PITPNM3: variants seen among roughly 807,000 people sequenced by gnomAD.
PITPNM3 encodes the protein PITPNM family member 3, also known as membrane-associated phosphatidylinositol transfer protein 3.
A neutral mutation model predicts 102.0 loss-of-function variants in PITPNM3; 26 were observed. The observed-to-expected ratio is 0.25, with a 90% CI of 0.19 to 0.35. The LOEUF (loss-of-function observed/expected upper bound fraction) is 0.35, where lower values mean the gene tolerates loss of function less well. PITPNM3 is among the 10% of genes least tolerant of loss of function. PITPNM3 has a pLI of 1.00. For synonymous variants in PITPNM3, 578 were observed against 558.6 expected, an observed-to-expected ratio of 1.03 and a Z score of -0.49; for missense variants, 1,083 against 1,346.1, an observed-to-expected ratio of 0.80 and a Z score of 3.06.
chr17:6,516,560 C>G (rs1908192174), intron 3 of PITPNM3, among the ~76,000 whole-genome samples: 1 of 89,278 alleles, frequency 1.1e-5, no homozygotes, highest in Non-Finnish European at 2.4e-5. Flanking sequence ...ACAGACTCCG[C>G]CTCAAAAAAA....
At chr17:6,535,894 C>T (rs1223272330) in intron 2 of PITPNM3, among the ~76,000 whole-genome samples, 1 of 151,576 alleles carries the variant, frequency 6.6e-6, no homozygotes, top group Non-Finnish European at 1.5e-5. Flanking sequence ...CCTGTCTCTA[C>T]TAAAACTACA....
chr17:6,522,286 G>GCGCACA (rs145090085), intron 3 of PITPNM3, among the ~76,000 whole-genome samples: 10,708 of 149,258 alleles, frequency 0.072, 867 homozygotes, highest in African/African-American at 0.2. Flanking sequence ...TTTAGTGTGC[G>GCGCACA]CACACACACA....
At chr17:6,540,759 A>G (rs1388222945) in intron 1 of PITPNM3, among the ~76,000 whole-genome samples, 1 of 152,178 alleles carries the variant, frequency 6.6e-6, no homozygotes, top group African/African-American at 2.4e-5. Context: ...CCCGGGTTCA[A>G]GAGATTCTCC....
rs886053279 is a variant in PITPNM3, at chr17:6,451,889, C to CCT, written c.*3448_*3449insAG. ...GGCACCCAAACCCCCCCCCCCCGCC[C>CCT]GCCGATGGGATTCGGTGGGAAAGTT... On this transcript the variant is annotated 3_prime_UTR_variant, in exon 20 of 20. Transcript: ENST00000262483. 2 of 19,258 alleles carry CCT rather than the reference C, an allele frequency of 1.0e-4. No individual in the cohort carries two copies. Among genetic ancestry groups the CCT allele is most frequent in the African/African-American group, 4.6e-4 (2 of 4,338 alleles). 1.2% of individuals were successfully genotyped at this position (19,258 alleles called of 1,614,324 possible).
At chr17:6,520,527 A>G (rs1047666194) in intron 3 of PITPNM3, among the ~76,000 whole-genome samples, 11 of 152,224 alleles carry the variant, frequency 7.2e-5, no homozygotes, top group Non-Finnish European at 1.2e-4. Context: ...AAGTTGCAGC[A>G]CTAATGTCTA....
At chr17:6,485,605 T>C (rs1160156444) in intron 4 of PITPNM3, among the ~76,000 whole-genome samples, 1 of 152,218 alleles carries the variant, frequency 6.6e-6, no homozygotes, top group Non-Finnish European at 1.5e-5. Flanking sequence ...GGGACCACTT[T>C]CCAGGGAAGG....
In PITPNM3 at chr17:6,467,236, G is replaced by A. The variant is rs1010378780; in HGVS notation, c.1890+989C>T. On this transcript the variant is annotated intron_variant, in intron 14 of 19. Coordinates refer to ENST00000262483, the MANE Select transcript of PITPNM3 (RefSeq NM_031220.4). ...GTTGGATGAACCTTGAAGACAGTGC[G>A]CTAAGTGCAAGAAGCCAGACACAAA... Among the ~76,000 whole-genome samples, 25 of 152,152 alleles carry A rather than the reference G, an allele frequency of 1.6e-4. 1 individual carries two copies. The highest frequency in any genetic ancestry group is 2.9e-5 in the Non-Finnish European group (2 of 68,030).
intron 2 of PITPNM3, among the ~76,000 whole-genome samples, chr17:6,526,313 GA>G (rs1172911593): frequency 6.6e-6 from 1 of 152,118 alleles, no homozygotes; most frequent in African/African-American, 2.4e-5. Context: ...CCTACAAAGG[GA>G]CATTTCTTCA....
Position 6,480,399 on chromosome 17 carries a change from G to C in PITPNM3, c.588-1663C>G, listed in dbSNP as rs1381710366. Reference sequence around the variant, plus strand: ...CTCTCCTGACTGGCTGGAAGCTCCAGGGCAGGGGACTTTGGCCCTCCCCGC... The same window carrying C: ...CTCTCCTGACTGGCTGGAAGCTCCACGGCAGGGGACTTTGGCCCTCCCCGC... On this transcript the variant is annotated intron_variant, in intron 6 of 19. Coordinates refer to ENST00000262483, the MANE Select transcript of PITPNM3 (RefSeq NM_031220.4). The C allele has an allele frequency of 2.0e-5, 3 of 152,370 alleles. No individual in the cohort carries two copies. The East Asian group carries it at 5.8e-4, about 29-fold the overall frequency. The allele number at this position is 152,370 out of a possible 1,614,324, so 9.4% of individuals were successfully genotyped here.
chr17:6,492,857 C>A (rs1906577672), intron 4 of PITPNM3, among the ~76,000 whole-genome samples: 1 of 150,478 alleles, frequency 6.6e-6, no homozygotes, highest in African/African-American at 2.4e-5. Context: ...AACCCTATCT[C>A]AAAAAATAAA....
intron 4 of PITPNM3, among the ~76,000 whole-genome samples, chr17:6,490,395 T>C (rs1030989940): frequency 2.0e-5 from 3 of 152,062 alleles, no homozygotes; most frequent in Admixed American, 1.3e-4. Flanking sequence ...AGTCTGAGAT[T>C]CTATGAGTCC....
Position 6,478,997 on chromosome 17 carries a change from G to C in PITPNM3, c.588-261C>G. 1 of 541,428 alleles carries C rather than the reference G, an allele frequency of 1.8e-6. No homozygotes were observed. The allele number at this position is 541,428 out of a possible 1,614,324, so 33.5% of individuals were successfully genotyped here. The stretch of plus-strand genomic sequence containing the variant: ...TGTGGGCCCTGGGGTCCCTGTGACT[G>C]CAGTCTCTATTGCCCTCTTCTGCAT... On this transcript the variant is annotated intron_variant, in intron 6 of 19. Coordinates refer to ENST00000262483, the MANE Select transcript of PITPNM3 (RefSeq NM_031220.4). This position sits in a 1 kb window ranked among gnomAD's most constrained non-coding sequence, Gnocchi z 4.4.
chr17:6,509,876 A>G lies in PITPNM3; in HGVS notation c.227-6302T>C, dbSNP rs114305737. Reference sequence around the variant, plus strand: ...TCAGTGGATCCACAGGGGCACTCCCAAGAAGGCCCCTAACTCCTCAGCCTG... The same window carrying G: ...TCAGTGGATCCACAGGGGCACTCCCGAGAAGGCCCCTAACTCCTCAGCCTG... On this transcript the variant is annotated intron_variant, in intron 3 of 19. Coordinates refer to ENST00000262483, the MANE Select transcript of PITPNM3 (RefSeq NM_031220.4). Among the ~76,000 whole-genome samples the G allele has an allele frequency of 8.9e-3, 1,356 of 152,242 alleles. 20 individuals are homozygous for G. The highest frequency in any genetic ancestry group is 0.03 in the African/African-American group (1,264 of 41,536).
intron 3 of PITPNM3, among the ~76,000 whole-genome samples, chr17:6,520,780 T>C (rs1221395139): frequency 6.6e-6 from 1 of 152,186 alleles, no homozygotes; most frequent in Non-Finnish European, 1.5e-5. Context: ...GGTATATCCA[T>C]ACAAGGGAAA....
At chr17:6,536,019 G>A (rs1239187974) in intron 2 of PITPNM3, among the ~76,000 whole-genome samples, 4 of 149,800 alleles carry the variant, frequency 2.7e-5, no homozygotes, top group African/African-American at 7.4e-5. Flanking sequence ...AGCCAAGATC[G>A]CTCCGTTGCA....
intron 9 of PITPNM3, among the ~76,000 whole-genome samples, chr17:6,476,443 A>G (rs1015719369): frequency 2.0e-5 from 3 of 152,232 alleles, no homozygotes; most frequent in African/African-American, 7.2e-5. Flanking sequence ...ACATTGATTA[A>G]CATGTCTCTT....
intron 4 of PITPNM3, among the ~76,000 whole-genome samples, chr17:6,485,572 G>A (rs1336195583): frequency 6.6e-6 from 1 of 152,214 alleles, no homozygotes; most frequent in African/African-American, 2.4e-5. Flanking sequence ...AGTTAACAGA[G>A]AAATAATAGA....
intron 5 of PITPNM3, 147 bp downstream of exon 5, chr17:6,484,069 G>T: frequency 1.1e-6 from 1 of 904,208 alleles, no homozygotes; most frequent in East Asian, 2.4e-5. Flanking sequence ...GGAACCCAAA[G>T]CCCAGAGAAG....
intron 8 of PITPNM3, 143 bp downstream of exon 8, chr17:6,477,832 C>CA: frequency 7.0e-7 from 1 of 1,426,412 alleles, no homozygotes; most frequent in Non-Finnish European, 9.7e-7. Flanking sequence ...AGGCATGAGC[C>CA]ACTGCGCCCA....
Sources: allele counts gnomAD v4.1 joint callset (sites outside exome capture counted in the v4.1 genomes callset), GRCh38; gene constraint gnomAD v4.1.1; non-coding constraint Gnocchi (gnomAD v3.1); transcripts MANE v1.5; gene names NCBI Gene and HGNC (gene_info 2026-07-23, HGNC 2026-07-21).